LMBR1: variants seen among roughly 807,000 people sequenced by gnomAD.
The protein encoded by LMBR1 is limb region 1 protein homolog.
A neutral mutation model predicts 73.9 loss-of-function variants in LMBR1; 52 were observed. The observed-to-expected ratio is 0.70, with a 90% confidence interval of 0.56 to 0.89. LMBR1 has a LOEUF of 0.89. Among genes scored for constraint, LMBR1 ranks in the 40% least tolerant of loss-of-function variants. The probability of loss-of-function intolerance (pLI) is 0.00; values close to 1 mark genes in which losing one functional copy is unlikely to be tolerated. For missense variants in LMBR1, 539 were observed against 579.8 expected, an observed-to-expected ratio of 0.93 and a Z score of 0.72; for synonymous variants, 215 against 209.4, an observed-to-expected ratio of 1.03 and a Z score of -0.23.
chr7:156,706,362 A>G (rs540458976), intron 15 of LMBR1, among the ~76,000 whole-genome samples: 23 of 152,306 alleles, frequency 1.5e-4, no homozygotes, highest in African/African-American at 5.5e-4. Flanking sequence ...TTATCGAGAA[A>G]AAAAATCAGC....
chr7:156,834,917 G>C (rs1024293508), intron 2 of LMBR1, among the ~76,000 whole-genome samples: 1 of 151,548 alleles, frequency 6.6e-6, no homozygotes, highest in African/African-American at 2.4e-5. Flanking sequence ...AGAGGCAGGC[G>C]GATCACAAGG....
intron 1 of LMBR1, among the ~76,000 whole-genome samples, chr7:156,857,787 A>G (rs528687054): frequency 6.6e-6 from 1 of 152,362 alleles, no homozygotes; most frequent in Non-Finnish European, 1.5e-5. Context: ...ATTAAACTAT[A>G]AATCAGTAAC....
Position 156,764,218 on chromosome 7 carries a change from T to A in LMBR1, c.424-423A>T, listed in dbSNP as rs370084574. Among the ~76,000 whole-genome samples, 21 of 152,296 alleles carry A rather than the reference T, an allele frequency of 1.4e-4. No homozygotes were observed. In the East Asian group the frequency reaches 3.1e-3, roughly 22 times the overall value. On this transcript the variant is annotated intron_variant, in intron 5 of 16. Coordinates refer to ENST00000353442, the MANE Select transcript of LMBR1 (RefSeq NM_022458.4). Reference sequence around the variant, plus strand: ...GCTGCTGGAGAGCGCCGGCTCTCTCTAGCATGGACTCTGGTGCTCCTCACA... The same window carrying A: ...GCTGCTGGAGAGCGCCGGCTCTCTCAAGCATGGACTCTGGTGCTCCTCACA...
At chr7:156,727,883 T>G in intron 12 of LMBR1, 47 bp downstream of exon 12, 1 of 1,323,874 alleles carries the variant, frequency 7.6e-7, no homozygotes, top group East Asian at 2.3e-5. Context: ...GGTATAGACA[T>G]AGAATACTTT....
chr7:156,686,031 G>A (rs998593249), intron 16 of LMBR1, among the ~76,000 whole-genome samples: 2 of 152,182 alleles, frequency 1.3e-5, no homozygotes, highest in African/African-American at 4.8e-5. Flanking sequence ...TCCCAGGAAT[G>A]ACAATAGGAA....
chr7:156,832,419 A>C (rs1034476171), intron 3 of LMBR1, among the ~76,000 whole-genome samples: 8 of 152,138 alleles, frequency 5.3e-5, no homozygotes, highest in Non-Finnish European at 7.4e-5. Context: ...TTTCATGTTC[A>C]TTGCCCCAAA....
At position 156,770,979 on chromosome 7, in the gene LMBR1, A is replaced by C. The variant is rs533423844; in HGVS notation, c.424-7184T>G. The stretch of plus-strand genomic sequence containing the variant: ...GTAAGTATAATAAAAAAGAGCAAAA[A>C]AGTAGGAAAAAATAAATCGAAGAAT... On this transcript the variant is annotated intron_variant, in intron 5 of 16. Coordinates refer to ENST00000353442, the MANE Select transcript of LMBR1 (RefSeq NM_022458.4). 2.0e-3 allele frequency among the ~76,000 whole-genome samples: 306 copies of C among 152,254 alleles called. 1 individual carries two copies. The highest frequency in any genetic ancestry group is 7.1e-3 in the African/African-American group (296 of 41,566).
intron 1 of LMBR1, among the ~76,000 whole-genome samples, chr7:156,878,105 G>A (rs997741610): frequency 2.1e-4 from 32 of 152,092 alleles, no homozygotes; most frequent in African/African-American, 7.2e-4. Context: ...AATACTGAAT[G>A]GAGAGAAGTT....
In LMBR1 at chr7:156,807,429, G is replaced by A. The variant is rs1832338658; in HGVS notation, c.320-10937C>T. Among the ~76,000 whole-genome samples, 7 of 152,290 alleles carry A rather than the reference G, an allele frequency of 4.6e-5. No individual in the cohort carries two copies. In the South Asian group the frequency reaches 1.5e-3, roughly 32 times the overall value. On this transcript the variant is annotated intron_variant, in intron 4 of 16. Transcript: ENST00000353442. Reference sequence around the variant, plus strand: ...GCTTTAATAGTTTTTGCCTGTTAAGGAAATTTGTCCATTTCTCTAAGTTGT... The same window carrying A: ...GCTTTAATAGTTTTTGCCTGTTAAGAAAATTTGTCCATTTCTCTAAGTTGT...
intron 4 of LMBR1, among the ~76,000 whole-genome samples, chr7:156,806,737 G>A (rs1049285376): frequency 2.7e-5 from 4 of 148,376 alleles, no homozygotes; most frequent in Admixed American, 6.9e-5. Context: ...TCAGCCTCCC[G>A]AATAGCTGGG....
At chr7:156,748,186 C>T (rs1459051000) in intron 9 of LMBR1, among the ~76,000 whole-genome samples, 1 of 152,044 alleles carries the variant, frequency 6.6e-6, no homozygotes, top group South Asian at 2.1e-4. Context: ...TAATGTGAGA[C>T]TTTTGAGATC....
chr7:156,675,857 A>G (rs755595951), downstream of LMBR1: 39 of 1,613,148 alleles, frequency 2.4e-5, no homozygotes, highest in Non-Finnish European at 3.1e-5. Flanking sequence ...AGAAAATCCA[A>G]GTGCAGGTAG....
intron 1 of LMBR1, among the ~76,000 whole-genome samples, chr7:156,846,752 C>A (rs1355656425): frequency 2.6e-5 from 4 of 152,180 alleles, no homozygotes; most frequent in South Asian, 2.1e-4. Context: ...AGGAAAAAAA[C>A]AAAGTCATCT....
intron 14 of LMBR1, among the ~76,000 whole-genome samples, chr7:156,724,763 GCT>G (rs1491523726): frequency 2.0e-5 from 2 of 100,008 alleles, no homozygotes; most frequent in African/African-American, 4.1e-5. Context: ...TAAAGAAATA[GCT>G]GTGTGTGTGT....
intron 9 of LMBR1, among the ~76,000 whole-genome samples, chr7:156,744,704 T>TTGC (rs751775020): frequency 3.9e-5 from 6 of 152,182 alleles, no homozygotes; most frequent in South Asian, 2.1e-4. Flanking sequence ...TAGTATGCTA[T>TTGC]TGCTGCTGCT....
chr7:156,769,718 T>A (rs573548549), intron 5 of LMBR1, among the ~76,000 whole-genome samples: 2 of 152,358 alleles, frequency 1.3e-5, no homozygotes, highest in Admixed American at 1.3e-4. Flanking sequence ...TCATTTCCCC[T>A]GCTCCCAAGT....
At position 156,876,158 on chromosome 7, in the gene LMBR1, A is replaced by G. The variant is rs561981653; in HGVS notation, c.66+16770T>C. ...ATGCAAATGGACACCAGAAGTGAGC[A>G]GTAGTAGCTATTCTTATATCAGACA... On this transcript the variant is annotated intron_variant, in intron 1 of 16. Transcript: ENST00000353442. 5.9e-5 allele frequency among the ~76,000 whole-genome samples: 9 copies of G among 152,352 alleles called. No homozygotes were observed. The East Asian group carries it at 1.7e-3, about 29-fold the overall frequency.
intron 1 of LMBR1, among the ~76,000 whole-genome samples, chr7:156,847,710 T>C (rs1795689679): frequency 6.6e-6 from 1 of 152,246 alleles, no homozygotes; most frequent in East Asian, 1.9e-4. Context: ...AACAACAAGA[T>C]ACCTGTGATG....
chr7:156,839,024 G>A (rs1586148225), intron 1 of LMBR1, among the ~76,000 whole-genome samples: 1 of 146,580 alleles, frequency 6.8e-6, no homozygotes, highest in South Asian at 2.2e-4. Flanking sequence ...CTTCTTTTGA[G>A]AAATATCTAT....
Sources: allele counts gnomAD v4.1 joint callset (sites outside exome capture counted in the v4.1 genomes callset), GRCh38; gene constraint gnomAD v4.1.1; transcripts MANE v1.5; gene names NCBI Gene and HGNC (gene_info 2026-07-23, HGNC 2026-07-21).